The following DHX32 variants were observed in gnomAD, a reference collection of about 807,000 sequenced individuals.
DHX32 encodes the protein putative pre-mRNA-splicing factor ATP-dependent RNA helicase DHX32.
DHX32 carries 51 observed loss-of-function variants against 70.0 expected under a neutral mutation model. The ratio of observed to expected loss-of-function variants is 0.73; its 90% CI spans 0.58 to 0.92. The LOEUF (loss-of-function observed/expected upper bound fraction) is 0.92. DHX32 is among the 40% of genes least tolerant of loss of function. The pLI is 0.00. For synonymous variants in DHX32, 310 were observed against 315.3 expected (o/e 0.98, Z 0.18); for missense variants, 762 against 891.8 (o/e 0.85, Z 1.85).
At chr10:125,876,829 A>G (rs1481841171) in intron 1 of DHX32, among the ~76,000 whole-genome samples, 1 of 152,240 alleles carries the variant, frequency 6.6e-6, no homozygotes, top group Non-Finnish European at 1.5e-5. Flanking sequence ...TTCAGTGATT[A>G]TAAAGGCTAT....
At chr10:125,872,287 T>C (rs1409705656) in intron 1 of DHX32, among the ~76,000 whole-genome samples, 1 of 152,162 alleles carries the variant, frequency 6.6e-6, no homozygotes, top group Non-Finnish European at 1.5e-5. Context: ...TGGAAGATAT[T>C]CCCCCCTAGT....
At chr10:125,893,615 T>C (rs947975082) in intron 1 of DHX32, among the ~76,000 whole-genome samples, 144 of 152,316 alleles carry the variant, frequency 9.5e-4, no homozygotes, top group African/African-American at 3.4e-3. Context: ...AAATTGAATG[T>C]AGACCATGAC....
Position 125,836,701 on chromosome 10 carries a change from A to C in DHX32, c.2218T>G (p.Cys740Gly). ...TTGCTGGGGAGTCACTGGAGAGTGC[A>C]TCTCTGTTCAGTTTCAGGGCACGTC... ...CETCPETEQR[C>G]TLQ The change falls in exon 11 of 11, where the codon TGC (cysteine) becomes GGC (glycine). Residue 740 changes from cysteine to glycine, a missense_variant. By Grantham distance (159) the Cys-to-Gly change is radical. This residue lies in a region of DHX32 where 366 missense variants were observed against 402.6 expected (regional missense o/e 0.91). Coordinates refer to ENST00000284690, the MANE Select transcript of DHX32 (RefSeq NM_018180.3). The C allele has an allele frequency of 6.2e-7, 1 of 1,614,078 alleles. No homozygotes were observed. The highest frequency in any genetic ancestry group is 8.5e-7 in the Non-Finnish European group (1 of 1,179,996).
chr10:125,839,033 TTA>T lies in DHX32; in HGVS notation c.1847_1848del (p.Ile616LysfsTer17). The T allele has an allele frequency of 6.2e-7, 1 of 1,614,100 alleles. No homozygotes were observed. The highest frequency in any genetic ancestry group is 8.5e-7 in the Non-Finnish European group (1 of 1,179,990). Reference protein sequence around the residue: ...AFGSKENTLNIKKALLSGYFM... With the variant: ...AFGSKENTLNXKKALLSGYFM... ...AAGTAACCGGACAGAAGAGCTTTCT[TTA>T]TGTTTAGAGTGTTTTCCTTGGAGCC... On this transcript the variant is annotated frameshift_variant, in exon 9 of 11. Transcript: ENST00000284690. LOFTEE classifies it high-confidence loss of function.
upstream of DHX32, among the ~76,000 whole-genome samples, chr10:125,884,278 T>C (rs149360462): frequency 3.8e-4 from 58 of 152,342 alleles, no homozygotes; most frequent in East Asian, 8.1e-3. Flanking sequence ...CTAGAGGTAA[T>C]TAAATATGTA....
At chr10:125,842,288 C>G (rs78697481) in intron 6 of DHX32, 2,732 of 215,146 alleles carry the variant, frequency 0.013, 82 homozygotes, top group African/African-American at 0.06. Context: ...TGGAGAGAGA[C>G]ACACAGATCT....
At chr10:125,893,620 C>T (rs559505657) in intron 1 of DHX32, among the ~76,000 whole-genome samples, 51 of 152,276 alleles carry the variant, frequency 3.3e-4, no homozygotes, top group Admixed American at 3.3e-3. Flanking sequence ...GAATGTAGAC[C>T]ATGACAAGTT....
intron 3 of DHX32, 63 bp downstream of exon 3, chr10:125,859,540 G>A: frequency 6.7e-7 from 1 of 1,497,184 alleles, no homozygotes; most frequent in Non-Finnish European, 8.9e-7. Flanking sequence ...CTGTATGTTA[G>A]TTATTAAAAG....
intron 1 of DHX32, among the ~76,000 whole-genome samples, chr10:125,877,195 T>C (rs1164706517): frequency 1.3e-5 from 2 of 152,358 alleles, no homozygotes; most frequent in Non-Finnish European, 2.9e-5. Flanking sequence ...TTTTCAATGT[T>C]ATTTGTCCAC....
chr10:125,853,873 A>T, intron 4 of DHX32, 88 bp downstream of exon 4: 1 of 1,486,990 alleles, frequency 6.7e-7, no homozygotes, highest in Non-Finnish European at 9.0e-7. Flanking sequence ...GTTCATCCTC[A>T]CTTCCTGATC....
intron 6 of DHX32, among the ~76,000 whole-genome samples, chr10:125,851,938 A>G (rs972632417): frequency 2.6e-5 from 4 of 151,162 alleles, no homozygotes; most frequent in Non-Finnish European, 5.9e-5. Context: ...AAAAAAAAAA[A>G]AAAGAAAAGA....
intron 6 of DHX32, among the ~76,000 whole-genome samples, chr10:125,850,708 A>G (rs373174870): frequency 3.3e-5 from 5 of 152,232 alleles, no homozygotes; most frequent in Admixed American, 1.3e-4. Context: ...TGCCTTATCT[A>G]ACGTGCCATG....
upstream of DHX32, among the ~76,000 whole-genome samples, chr10:125,885,007 T>C (rs1295013952): frequency 6.6e-6 from 1 of 152,058 alleles, no homozygotes; most frequent in Non-Finnish European, 1.5e-5. Context: ...TATCTGTCCT[T>C]AGGATCCATC....
chr10:125,866,949 A>G lies in DHX32; in HGVS notation c.476+41T>C. ...CTTCAGAATTGTAGAACCTAAGCCA[A>G]GAATCATCAGCAGGGAGCGGACTGA... On this transcript the variant is annotated intron_variant, in intron 2 of 10. Coordinates refer to ENST00000284690, the MANE Select transcript of DHX32 (RefSeq NM_018180.3). The surrounding 1 kb of genome is among the most constrained non-coding windows in gnomAD (Gnocchi z 4.8). 1 of 1,579,698 alleles carries G rather than the reference A, an allele frequency of 6.3e-7. No individual in the cohort carries two copies. The highest frequency in any genetic ancestry group is 1.2e-5 in the South Asian group (1 of 86,096).
intron 6 of DHX32, among the ~76,000 whole-genome samples, chr10:125,849,735 G>A (rs1776405723): frequency 6.6e-6 from 1 of 152,142 alleles, no homozygotes; most frequent in South Asian, 2.1e-4. Flanking sequence ...ACATGTAAAT[G>A]TTATATATAG....
intron 1 of DHX32, among the ~76,000 whole-genome samples, chr10:125,877,365 C>T (rs1044844367): frequency 6.7e-6 from 1 of 149,728 alleles, no homozygotes; most frequent in African/African-American, 2.4e-5. Context: ...GTTGTCCAGC[C>T]CTCCTCTTTT....
intron 6 of DHX32, among the ~76,000 whole-genome samples, chr10:125,850,810 T>TCTG (rs1944081130): frequency 6.6e-6 from 1 of 152,252 alleles, no homozygotes; most frequent in South Asian, 2.1e-4. Flanking sequence ...CAAAATGAGT[T>TCTG]CTGCCTCTGA....
chr10:125,846,003 C>T (rs1023297798), intron 6 of DHX32, among the ~76,000 whole-genome samples: 1 of 152,240 alleles, frequency 6.6e-6, no homozygotes, highest in Non-Finnish European at 1.5e-5. Context: ...GCCCAGGCCT[C>T]AGAAAGGACT....
chr10:125,892,517 C>A (rs1273140719), intron 1 of DHX32, among the ~76,000 whole-genome samples: 4 of 152,280 alleles, frequency 2.6e-5, no homozygotes, highest in African/African-American at 9.6e-5. Flanking sequence ...TGCTAATACA[C>A]ATGAAGAAGT....
Sources: allele counts gnomAD v4.1 joint callset (sites outside exome capture counted in the v4.1 genomes callset), GRCh38; gene constraint gnomAD v4.1.1; regional missense constraint gnomAD v4.1.1; non-coding constraint Gnocchi (gnomAD v3.1); transcripts MANE v1.5; gene names NCBI Gene and HGNC (gene_info 2026-07-23, HGNC 2026-07-21).